Variants in TSHZ3 observed in about 807,000 individuals in gnomAD.
The protein encoded by TSHZ3 is teashirt zinc finger homeobox 3.
TSHZ3 carries 10 observed loss-of-function variants against 64.5 expected under a neutral mutation model. The ratio of observed to expected loss-of-function variants is 0.16; its 90% CI spans 0.10 to 0.26. TSHZ3 has a LOEUF of 0.26. TSHZ3 is among the 10% of genes least tolerant of loss of function. TSHZ3 has a pLI of 1.00. For synonymous variants in TSHZ3, 608 were observed against 593.1 expected (o/e 1.03, Z -0.36); for missense variants, 1,242 against 1,421.7 (o/e 0.87, Z 2.03).
chr19:31,238,167 T>A (rs1975644156), intron 3 of TSHZ3, among the ~76,000 whole-genome samples: 1 of 152,186 alleles, frequency 6.6e-6, no homozygotes, highest in Non-Finnish European at 1.5e-5. Flanking sequence ...ATATTTTTAT[T>A]AATTACCAAA....
intron 1 of TSHZ3, among the ~76,000 whole-genome samples, chr19:31,348,216 G>A (rs1348684360): frequency 5.3e-5 from 8 of 152,144 alleles, no homozygotes; most frequent in Non-Finnish European, 7.3e-5. Flanking sequence ...TATTGCAAGT[G>A]ATTTATTGAT....
At chr19:31,212,889 C>T (rs1382442631) in intron 4 of TSHZ3, among the ~76,000 whole-genome samples, 1 of 152,094 alleles carries the variant, frequency 6.6e-6, no homozygotes, top group African/African-American at 2.4e-5. Context: ...AAATGTGGTA[C>T]ACCCAGACAA....
At position 31,277,528 on chromosome 19, in the gene TSHZ3, G is replaced by A. The variant is rs766407572; in HGVS notation, c.2265C>T (p.Asn755=). The A allele has an allele frequency of 1.2e-6, 2 of 1,602,700 alleles. No homozygotes were observed. Among genetic ancestry groups the A allele is most frequent in the East Asian group, 2.2e-5 (1 of 44,688 alleles). Residue 755 remains asparagine (N), a synonymous_variant, in exon 2 of 2, where the codon AAC becomes AAT. Coordinates refer to ENST00000240587, the MANE Select transcript of TSHZ3 (RefSeq NM_020856.4). The surrounding 1 kb of genome is among the most constrained non-coding windows in gnomAD (Gnocchi z 4.5). ...DPMSMLFKMS[N]SLAEKAAVAT... ...CCACAGCAGCCTTCTCCGCCAGGCT[G>A]TTGCTCATCTTGAAAAGCATGCTCA...
At chr19:31,339,284 G>A (rs1411545142) in intron 1 of TSHZ3, among the ~76,000 whole-genome samples, 2 of 151,848 alleles carry the variant, frequency 1.3e-5, no homozygotes, top group South Asian at 2.1e-4. Flanking sequence ...AAAGTCAGAA[G>A]AGTGTCAAAG....
At chr19:31,229,304 G>T (rs1278822799) in intron 3 of TSHZ3, among the ~76,000 whole-genome samples, 1 of 152,162 alleles carries the variant, frequency 6.6e-6, no homozygotes, top group South Asian at 2.1e-4. Context: ...CATTAAGATA[G>T]ATTCTAAAAC....
chr19:31,333,251 G>A (rs1917148422), intron 1 of TSHZ3, among the ~76,000 whole-genome samples: 1 of 152,148 alleles, frequency 6.6e-6, no homozygotes, highest in African/African-American at 2.4e-5. Flanking sequence ...CACCAAGGGA[G>A]GGCGAAGAGC....
intron 1 of TSHZ3, among the ~76,000 whole-genome samples, chr19:31,280,620 T>C (rs1451297426): frequency 6.6e-6 from 1 of 152,236 alleles, no homozygotes; most frequent in East Asian, 1.9e-4. Flanking sequence ...CAGTGGACCT[T>C]ACAAATGTCA....
chr19:31,230,202 T>A (rs542250176), intron 3 of TSHZ3, among the ~76,000 whole-genome samples: 1 of 152,230 alleles, frequency 6.6e-6, no homozygotes, highest in South Asian at 2.1e-4. Context: ...TCCAAGGTCA[T>A]AAAAAAATCA....
At chr19:31,163,870 G>A (rs1353409193) in intron 5 of TSHZ3, among the ~76,000 whole-genome samples, 2 of 152,136 alleles carry the variant, frequency 1.3e-5, no homozygotes, top group East Asian at 1.9e-4. Flanking sequence ...TATACTGGGG[G>A]CTTACCCTGC....
downstream of TSHZ3, among the ~76,000 whole-genome samples, chr19:31,273,639 A>T (rs959151709): frequency 3.3e-5 from 5 of 152,244 alleles, no homozygotes; most frequent in African/African-American, 4.8e-5. Context: ...AAGCGTGGAA[A>T]TCTGGGCTCC....
intron 1 of TSHZ3, among the ~76,000 whole-genome samples, chr19:31,336,142 T>TC (rs1917236063): frequency 6.6e-6 from 1 of 152,196 alleles, no homozygotes; most frequent in Non-Finnish European, 1.5e-5. Flanking sequence ...AAAGAGTAGA[T>TC]CTGTTTCAGG....
chr19:31,277,757 T>G lies in TSHZ3; in HGVS notation c.2036A>C (p.Lys679Thr), dbSNP rs1181592954. The G allele has an allele frequency of 7.2e-6, 11 of 1,530,042 alleles. No homozygotes were observed. The highest frequency in any genetic ancestry group is 9.6e-6 in the Non-Finnish European group (11 of 1,142,226). 94.8% of individuals were successfully genotyped at this position (1,530,042 alleles called of 1,614,324 possible). A position where few individuals can be genotyped will look rare whatever the true frequency, so the allele number is the denominator to read the frequency against. Residue 679 changes from lysine to threonine, a missense_variant, in exon 2 of 2, where the codon AAG (lysine) becomes ACG (threonine). Physicochemically the swap from Lys to Thr is moderately conservative, Grantham distance 78. This residue lies in a region of TSHZ3 where 550 missense variants were observed against 545.1 expected (regional missense o/e 1.01). Coordinates refer to ENST00000240587, the MANE Select transcript of TSHZ3 (RefSeq NM_020856.4). The surrounding 1 kb of genome is among the most constrained non-coding windows in gnomAD (Gnocchi z 4.5). ...NSPSPPRDGCKDGSPLAEPVE... is the reference protein window; with the variant it reads ...NSPSPPRDGCTDGSPLAEPVE... ...CGGCTCAGCGAGGGGGCTCCCATCC[T>G]TGCACCCATCCCGCGGGGGGCTGGG...
intron 1 of TSHZ3, among the ~76,000 whole-genome samples, chr19:31,323,919 G>A (rs1261814775): frequency 9.0e-6 from 1 of 111,006 alleles, no homozygotes; most frequent in Admixed American, 8.5e-5. Flanking sequence ...CACACACACA[G>A]TGCATTGCAG....
intron 1 of TSHZ3, among the ~76,000 whole-genome samples, chr19:31,269,738 CTT>C (rs1158198136): frequency 6.6e-6 from 1 of 152,188 alleles, no homozygotes; most frequent in African/African-American, 2.4e-5. Context: ...AATTTAAAAA[CTT>C]AACCCCCCCA....
At chr19:31,200,489 A>C (rs1975065599) in intron 5 of TSHZ3, among the ~76,000 whole-genome samples, 1 of 101,248 alleles carries the variant, frequency 9.9e-6, no homozygotes, top group Non-Finnish European at 2.0e-5. Context: ...AAGGCTACCT[A>C]CTGTGTAATT....
chr19:31,335,230 C>G (rs1042532247), intron 1 of TSHZ3, among the ~76,000 whole-genome samples: 3 of 152,204 alleles, frequency 2.0e-5, no homozygotes, highest in African/African-American at 7.2e-5. Flanking sequence ...CCCGACGAAC[C>G]GCCACATTTT....
chr19:31,293,533 G>A (rs1281944253), intron 1 of TSHZ3, among the ~76,000 whole-genome samples: 1 of 152,010 alleles, frequency 6.6e-6, no homozygotes, highest in African/African-American at 2.4e-5. Flanking sequence ...TCCCCTCCCT[G>A]TCCTCCAAGG....
intron 6 of TSHZ3, among the ~76,000 whole-genome samples, chr19:31,155,112 A>T (rs942594075): frequency 1.3e-5 from 2 of 152,234 alleles, no homozygotes; most frequent in Non-Finnish European, 2.9e-5. Flanking sequence ...AATGGATGGA[A>T]AAGCAGAGCT....
intron 1 of TSHZ3, among the ~76,000 whole-genome samples, chr19:31,262,611 TG>T (rs1394889097): frequency 2.0e-5 from 3 of 152,344 alleles, no homozygotes; most frequent in Admixed American, 6.5e-5. Flanking sequence ...ATTATTTAAA[TG>T]TTTTTTTATC....
Sources: gnomAD v4.1 joint callset for allele counts (sites outside exome capture counted in the v4.1 genomes callset) on GRCh38, gnomAD v4.1.1 for gene constraint, gnomAD v4.1.1 regional missense constraint, Gnocchi (gnomAD v3.1) non-coding constraint, MANE v1.5 for transcripts, NCBI Gene and HGNC (gene_info 2026-07-23, HGNC 2026-07-21) for gene names.